Variants in SAMTOR observed in about 807,000 individuals in gnomAD.
SAMTOR encodes the protein UPF0532 protein C7orf60.
chr7:112,881,173 T>C, the SAMTOR span, among the ~76,000 whole-genome samples: 1 of 152,172 alleles, frequency 6.6e-6, no homozygotes, highest in African/African-American at 2.4e-5. Context: ...GGTATGCATG[T>C]ATAGTGCTGA....
chr7:112,938,539 T>A, the SAMTOR span, among the ~76,000 whole-genome samples: 1 of 152,328 alleles, frequency 6.6e-6, no homozygotes, highest in Admixed American at 6.5e-5. Context: ...TTCCTTCTAA[T>A]CCTAAATTAT....
At chr7:112,840,189 C>T in the SAMTOR span, among the ~76,000 whole-genome samples, 3 of 151,836 alleles carry the variant, frequency 2.0e-5, no homozygotes, top group Non-Finnish European at 2.9e-5. Flanking sequence ...TATGGTATAG[C>T]TAAAGTTGAG....
chr7:112,925,788 C>G, the SAMTOR span, among the ~76,000 whole-genome samples: 1 of 75,526 alleles, frequency 1.3e-5, no homozygotes, highest in East Asian at 3.7e-4. Flanking sequence ...GAGCCAAGCT[C>G]TGTCTCAAAA....
At chr7:112,881,437 G>A in the SAMTOR span, among the ~76,000 whole-genome samples, 1 of 152,068 alleles carries the variant, frequency 6.6e-6, no homozygotes, top group Non-Finnish European at 1.5e-5. Flanking sequence ...CTTTTTCTGG[G>A]CCTGCCAATG....
At chr7:112,881,142 G>A in the SAMTOR span, among the ~76,000 whole-genome samples, 2 of 152,226 alleles carry the variant, frequency 1.3e-5, no homozygotes. Flanking sequence ...GCCGAGTCCA[G>A]GCATTGTTGT....
chr7:112,841,098 G>C, the SAMTOR span, among the ~76,000 whole-genome samples: 1 of 152,138 alleles, frequency 6.6e-6, no homozygotes, highest in East Asian at 1.9e-4. Context: ...TCCGGCAAGA[G>C]AAAGAAATAA....
chr7:112,825,582 T>C, the SAMTOR span, among the ~76,000 whole-genome samples: 3 of 152,296 alleles, frequency 2.0e-5, no homozygotes, highest in Admixed American at 6.5e-5. Context: ...AGGAGCTTCT[T>C]TGAAGATTAC....
the SAMTOR span, among the ~76,000 whole-genome samples, chr7:112,928,717 T>C: frequency 6.1e-3 from 925 of 152,124 alleles, 6 homozygotes; most frequent in Non-Finnish European, 9.3e-3. Flanking sequence ...TTTTTCACAA[T>C]AGTTACTGTT....
the SAMTOR span, chr7:112,939,722 G>C: frequency 6.2e-7 from 1 of 1,606,416 alleles, no homozygotes; most frequent in South Asian, 1.1e-5. Flanking sequence ...CGCACGAGCA[G>C]TATTTCGGCC....
At chr7:112,910,123 T>C in the SAMTOR span, among the ~76,000 whole-genome samples, 1 of 151,962 alleles carries the variant, frequency 6.6e-6, no homozygotes, top group African/African-American at 2.4e-5. Context: ...ACTGGGCTCC[T>C]GCTGCCTAAT....
chr7:112,908,000 A>G, the SAMTOR span, among the ~76,000 whole-genome samples: 22 of 152,168 alleles, frequency 1.4e-4, no homozygotes, highest in Non-Finnish European at 2.8e-4. Flanking sequence ...ACAAATATAC[A>G]ATGACAAAAA....
the SAMTOR span, among the ~76,000 whole-genome samples, chr7:112,922,310 C>G: frequency 6.6e-6 from 1 of 152,178 alleles, no homozygotes; most frequent in African/African-American, 2.4e-5. Flanking sequence ...TTGCTACAAC[C>G]TCCACCTCCC....
chr7:112,832,143 C>T, the SAMTOR span, among the ~76,000 whole-genome samples: 9 of 151,884 alleles, frequency 5.9e-5, no homozygotes, highest in Admixed American at 5.3e-4. Flanking sequence ...TCCTGAGTAG[C>T]TGGGATTATG....
At chr7:112,848,942 G>A in the SAMTOR span, among the ~76,000 whole-genome samples, 20 of 151,906 alleles carry the variant, frequency 1.3e-4, no homozygotes, top group Non-Finnish European at 1.9e-4. Context: ...CCCGCTACTC[G>A]GGATGCTGAG....
At chr7:112,927,558 G>GA in the SAMTOR span, among the ~76,000 whole-genome samples, 2 of 151,824 alleles carry the variant, frequency 1.3e-5, no homozygotes, top group Non-Finnish European at 2.9e-5. Context: ...AGGCATTCTA[G>GA]AAAAAATACA....
chr7:112,823,701 T>C, the SAMTOR span, among the ~76,000 whole-genome samples: 1 of 152,218 alleles, frequency 6.6e-6, no homozygotes, highest in Non-Finnish European at 1.5e-5. Context: ...GGCTAGATCA[T>C]ACAGTAGGTG....
the SAMTOR span, among the ~76,000 whole-genome samples, chr7:112,896,490 C>T: frequency 6.6e-6 from 1 of 152,172 alleles, no homozygotes; most frequent in African/African-American, 2.4e-5. Flanking sequence ...TTACAGGATC[C>T]CATTAGTTCA....
the SAMTOR span, among the ~76,000 whole-genome samples, chr7:112,890,531 C>T: frequency 1.2e-4 from 18 of 151,702 alleles, 1 homozygote; most frequent in East Asian, 1.9e-4. Flanking sequence ...CAAAGAAACC[C>T]GGAAAAGCAT....
chr7:112,857,016 A>AAT, the SAMTOR span, among the ~76,000 whole-genome samples: 1 of 152,024 alleles, frequency 6.6e-6, no homozygotes, highest in African/African-American at 2.4e-5. Context: ...CAAAGTATTT[A>AAT]ATATACAGAG....
Sources: gnomAD v4.1 joint callset for allele counts (sites outside exome capture counted in the v4.1 genomes callset) on GRCh38, gnomAD v4.1.1 for gene constraint, MANE v1.5 for transcripts, NCBI Gene and HGNC (gene_info 2026-07-23, HGNC 2026-07-21) for gene names.